TMX2: variants seen among roughly 807,000 people sequenced by gnomAD.
The protein encoded by TMX2 is thioredoxin related transmembrane protein 2.
TMX2 carries 20 observed loss-of-function variants against 33.4 expected under a neutral mutation model. That is an observed-to-expected ratio of 0.60 (90% CI 0.42 to 0.87). The LOEUF is 0.87. TMX2 is among the 40% of genes least tolerant of loss of function. The probability of loss-of-function intolerance (pLI) is 0.00; values close to 1 mark genes in which losing one functional copy is unlikely to be tolerated. For synonymous variants in TMX2, 166 were observed against 140.7 expected, an observed-to-expected ratio of 1.18 and a Z score of -1.27; for missense variants, 340 against 370.7, an observed-to-expected ratio of 0.92 and a Z score of 0.68.
chr11:57,734,064 C>T (rs960021838), intron 1 of TMX2, among the ~76,000 whole-genome samples: 4 of 146,138 alleles, frequency 2.7e-5, no homozygotes, highest in South Asian at 2.2e-4. Flanking sequence ...CCCAGCTACT[C>T]GGGAAGCTGA....
At chr11:57,738,471 G>A in intron 4 of TMX2, 41 bp downstream of exon 4, 3 of 1,495,008 alleles carry the variant, frequency 2.0e-6, no homozygotes, top group Non-Finnish European at 2.8e-6. Flanking sequence ...GGTCCCTTGT[G>A]GGTGATTTTG....
At chr11:57,718,024 A>C in intron 1 of TMX2, 1 of 911,878 alleles carries the variant, frequency 1.1e-6, no homozygotes, top group Non-Finnish European at 1.8e-6. Flanking sequence ...GGTGAAGACA[A>C]AACAAGTCAA....
intron 1 of TMX2, among the ~76,000 whole-genome samples, chr11:57,721,212 G>GA (rs1393178328): frequency 6.6e-6 from 1 of 152,104 alleles, no homozygotes; most frequent in Non-Finnish European, 1.5e-5. Flanking sequence ...TGAGGCAGGA[G>GA]AATTGCTTGA....
intron 2 of TMX2, 80 bp downstream of exon 2, chr11:57,737,748 C>A: frequency 6.4e-7 from 1 of 1,564,084 alleles, no homozygotes; most frequent in Non-Finnish European, 8.8e-7. Flanking sequence ...AAGAGAGTGG[C>A]AATCATTTGG....
intron 7 of TMX2, among the ~76,000 whole-genome samples, chr11:57,739,574 A>G (rs1270409255): frequency 2.6e-5 from 4 of 152,182 alleles, no homozygotes; most frequent in East Asian, 1.9e-4. Flanking sequence ...CCTGACCAAC[A>G]TGGAGAAACC....
At chr11:57,730,505 G>T (rs1450063000) in intron 1 of TMX2, among the ~76,000 whole-genome samples, 1 of 149,470 alleles carries the variant, frequency 6.7e-6, no homozygotes, top group Non-Finnish European at 1.5e-5. Flanking sequence ...GGGAGGCCGA[G>T]GCGGGCAGAT....
chr11:57,729,796 A>C (rs967629470), intron 1 of TMX2, among the ~76,000 whole-genome samples: 4 of 152,176 alleles, frequency 2.6e-5, no homozygotes, highest in Admixed American at 6.6e-5. Flanking sequence ...AAAGAGCTCT[A>C]ATTAATTGGC....
chr11:57,717,626 AG>A (rs1947231671), intron 1 of TMX2, among the ~76,000 whole-genome samples: 1 of 150,772 alleles, frequency 6.6e-6, no homozygotes, highest in Non-Finnish European at 1.5e-5. Context: ...TCAGGCAGGG[AG>A]GTTGCAGTGA....
At chr11:57,737,713 C>A in intron 2 of TMX2, 45 bp downstream of exon 2, 1 of 1,588,094 alleles carries the variant, frequency 6.3e-7, no homozygotes, top group Non-Finnish European at 8.6e-7. Context: ...ATCTAATGCC[C>A]TTTGGAGGTG....
chr11:57,738,623 C>A (rs1246051081), intron 4 of TMX2, 41 bp from the exon 5 acceptor site: 1 of 1,539,826 alleles, frequency 6.5e-7, no homozygotes, highest in Admixed American at 1.7e-5. Flanking sequence ...TCCCAGGAGG[C>A]TATGTGGATC....
intron 1 of TMX2, among the ~76,000 whole-genome samples, chr11:57,717,755 GAGAGGCAGAGGC>G (rs1192422381): frequency 7.6e-5 from 11 of 145,632 alleles, no homozygotes; most frequent in African/African-American, 2.6e-4. Flanking sequence ...AGGGGAGAGG[GAGAGGCAGAGGC>G]AGAGGCAGAG....
chr11:57,738,157 C>A, intron 3 of TMX2, 131 bp downstream of exon 3: 1 of 768,830 alleles, frequency 1.3e-6, no homozygotes, highest in Non-Finnish European at 2.1e-6. Flanking sequence ...ATATCTCATA[C>A]CTAATGAATT....
At chr11:57,726,553 A>T (rs1238548526) in intron 1 of TMX2, among the ~76,000 whole-genome samples, 1 of 152,124 alleles carries the variant, frequency 6.6e-6, no homozygotes, top group Non-Finnish European at 1.5e-5. Flanking sequence ...GCCTAAAACA[A>T]TTGACTATAA....
chr11:57,718,536 A>T, intron 1 of TMX2: 1 of 699,258 alleles, frequency 1.4e-6, no homozygotes, highest in East Asian at 3.0e-5. Flanking sequence ...ACCATGGCTG[A>T]TAGTACAGGG....
chr11:57,727,177 A>G (rs1332923586), intron 1 of TMX2, among the ~76,000 whole-genome samples: 2 of 152,086 alleles, frequency 1.3e-5, no homozygotes, highest in Admixed American at 6.6e-5. Context: ...TTTTTAGACT[A>G]AGCCTGACTC....
chr11:57,739,411 C>T (rs776662501), intron 7 of TMX2, 151 bp downstream of exon 7: 1 of 743,598 alleles, frequency 1.3e-6, no homozygotes, highest in Non-Finnish European at 2.2e-6. Flanking sequence ...ATTCATTTAG[C>T]AAATATATAT....
rs762859696 is a variant in TMX2 at position 57,712,820 on chromosome 11, C to T, written c.189+13C>T. ...TGACTTTGACTGGGTGAGCCTCCCG[C>T]GTGTTAGTACCCCGCGACCTTGACT... On this transcript the variant is annotated intron_variant, in intron 1 of 7. Coordinates refer to ENST00000278422, the MANE Select transcript of TMX2 (RefSeq NM_015959.4). 2.5e-6 allele frequency: 4 copies of T among 1,613,708 alleles called. No individual in the cohort carries two copies. The East Asian group carries it at 6.7e-5, about 27-fold the overall frequency.
chr11:57,717,935 C>T, intron 1 of TMX2: 1 of 672,638 alleles, frequency 1.5e-6, no homozygotes, highest in East Asian at 2.5e-5. Context: ...AGTGAGAGCA[C>T]AAAGATTCTA....
Position 57,737,987 on chromosome 11 carries a change from G to C in TMX2, c.325G>C (p.Asp109His). ...VANTILFFRL[D>H]IRMGLLYITL... ...CAACACAATTCTTTTCTTCCGCTTG[G>C]ATATTCGCATGGGCCTACTTTACAT... is the stretch of plus-strand genomic sequence containing the variant. The change falls in exon 3 of 8, where the codon GAT becomes CAT. Residue 109 changes from aspartate to histidine, a missense_variant. By Grantham distance (81) the Asp-to-His change is moderately conservative. Around this residue, in one of 3 missense-constraint regions of TMX2, gnomAD observed 209 missense variants for 241.6 expected, o/e 0.87. Coordinates refer to ENST00000278422, the MANE Select transcript of TMX2 (RefSeq NM_015959.4). 1 of 1,613,838 alleles carries C rather than the reference G, an allele frequency of 6.2e-7. No individual in the cohort carries two copies. Among genetic ancestry groups the C allele is most frequent in the South Asian group, 1.1e-5 (1 of 91,064 alleles).
Sources: allele counts gnomAD v4.1 joint callset (sites outside exome capture counted in the v4.1 genomes callset), GRCh38; gene constraint gnomAD v4.1.1; regional missense constraint gnomAD v4.1.1; transcripts MANE v1.5; gene names NCBI Gene and HGNC (gene_info 2026-07-23, HGNC 2026-07-21).